Variants in EYS observed in about 807,000 individuals in gnomAD.
EYS encodes protein eyes shut homolog.
Under a neutral mutation model 282.1 loss-of-function variants are expected in EYS, and 250 were observed. The ratio of observed to expected loss-of-function variants is 0.89; its 90% CI spans 0.80 to 0.98. The LOEUF is 0.98. Ranked by LOEUF, EYS falls within the 50% of genes least tolerant of loss-of-function variation. The pLI is 0.00. For missense variants in EYS, 4,016 were observed against 3,709.0 expected, an observed-to-expected ratio of 1.08 and a Z score of -2.15; for synonymous variants, 1,355 against 1,282.9, an observed-to-expected ratio of 1.06 and a Z score of -1.20.
chr6:65,613,202 T>G (rs953244411), intron 2 of EYS, among the ~76,000 whole-genome samples: 2 of 151,880 alleles, frequency 1.3e-5, no homozygotes, highest in African/African-American at 4.8e-5. Context: ...TATTTAGTGT[T>G]GGAGAAATCA....
chr6:65,462,556 G>A (rs1764859137), intron 5 of EYS, among the ~76,000 whole-genome samples: 1 of 151,856 alleles, frequency 6.6e-6, no homozygotes, highest in Admixed American at 6.6e-5. Flanking sequence ...TTTATTATTT[G>A]TAGTGTATTA....
intron 12 of EYS, among the ~76,000 whole-genome samples, chr6:65,176,451 C>T (rs1765227165): frequency 1.3e-5 from 2 of 151,486 alleles, no homozygotes; most frequent in South Asian, 4.1e-4. Context: ...AGATTCACAA[C>T]ACAAAACTTA....
At chr6:64,129,634 A>G (rs1317045461) in intron 31 of EYS, among the ~76,000 whole-genome samples, 2 of 152,072 alleles carry the variant, frequency 1.3e-5, no homozygotes, top group Non-Finnish European at 2.9e-5. Flanking sequence ...CCTTAGTTTA[A>G]TTAGATCCCA....
chr6:65,558,776 C>T (rs1452116067), intron 2 of EYS, among the ~76,000 whole-genome samples: 1 of 152,188 alleles, frequency 6.6e-6, no homozygotes, highest in Non-Finnish European at 1.5e-5. Flanking sequence ...AATGCATCAG[C>T]CTGGCCTATG....
intron 29 of EYS, among the ~76,000 whole-genome samples, chr6:64,381,420 A>C (rs1441963740): frequency 6.6e-6 from 1 of 152,154 alleles, no homozygotes; most frequent in Admixed American, 6.5e-5. Context: ...ATATTGTTTA[A>C]GTTCTCCTAT....
chr6:64,334,299 A>G (rs545535061), intron 29 of EYS, among the ~76,000 whole-genome samples: 1 of 152,300 alleles, frequency 6.6e-6, no homozygotes, highest in South Asian at 2.1e-4. Context: ...GGGCATGTGT[A>G]TTAGGAAAAA....
chr6:64,385,820 G>C (rs1485179974), intron 29 of EYS, among the ~76,000 whole-genome samples: 8 of 152,102 alleles, frequency 5.3e-5, no homozygotes, highest in Non-Finnish European at 1.5e-5. Flanking sequence ...TCCAGAAACT[G>C]GTGGGTGAAC....
intron 42 of EYS, 24 bp from the exon 43 acceptor site, chr6:63,721,821 T>G: frequency 6.6e-7 from 1 of 1,525,594 alleles, no homozygotes; most frequent in Non-Finnish European, 8.8e-7. Context: ...AACAGTAAGT[T>G]TGATTAGCAA....
intron 28 of EYS, among the ~76,000 whole-genome samples, chr6:64,399,857 A>G (rs2150435361): frequency 6.6e-6 from 1 of 152,016 alleles, no homozygotes; most frequent in African/African-American, 2.4e-5. Context: ...GGAGTATAAA[A>G]TCTGACTTTT....
intron 26 of EYS, among the ~76,000 whole-genome samples, chr6:64,522,956 T>C (rs1777802606): frequency 6.6e-6 from 1 of 151,720 alleles, no homozygotes; most frequent in Admixed American, 6.6e-5. Context: ...ATTTGAAACT[T>C]GAAGACATTT....
intron 29 of EYS, among the ~76,000 whole-genome samples, chr6:64,337,649 T>C (rs925574562): frequency 1.3e-5 from 2 of 151,922 alleles, no homozygotes; most frequent in African/African-American, 4.8e-5. Context: ...ATCATCTTAA[T>C]CCCAAAACCA....
At position 65,223,268 on chromosome 6, in the gene EYS, T is replaced by A. The variant is rs554847309; in HGVS notation, c.2023+72595A>T. 7.2e-5 allele frequency among the ~76,000 whole-genome samples: 11 copies of A among 152,028 alleles called. No individual in the cohort carries two copies. In the East Asian group the frequency reaches 1.9e-3, roughly 27 times the overall value. ...TGTAATCCCAACTACTCAGGAGGCTTAAGCAGGAGAATCACTTGAACCCAG... is the reference window on the plus strand; with the variant it reads ...TGTAATCCCAACTACTCAGGAGGCTAAAGCAGGAGAATCACTTGAACCCAG... On this transcript the variant is annotated intron_variant, in intron 12 of 42. Transcript: ENST00000503581.
chr6:64,083,301 A>C (rs1189069286), intron 31 of EYS, among the ~76,000 whole-genome samples: 1 of 152,150 alleles, frequency 6.6e-6, no homozygotes, highest in East Asian at 1.9e-4. Flanking sequence ...CATCTCTCTA[A>C]GTCATACAGT....
At position 64,058,450 on chromosome 6, in the gene EYS, C is replaced by T. The variant is rs574457617; in HGVS notation, c.6725+7888G>A. Among the ~76,000 whole-genome samples the T allele has an allele frequency of 3.9e-3, 588 of 152,236 alleles. 3 individuals are homozygous for T. Among genetic ancestry groups the T allele is most frequent in the African/African-American group, 0.013 (552 of 41,538 alleles). The stretch of plus-strand genomic sequence containing the variant: ...CATTTTAAGGCAGGAATCAAATACT[C>T]TCTAACCATAATGATAAATTCCAGT... On this transcript the variant is annotated intron_variant, in intron 33 of 42. Transcript: ENST00000503581.
intron 35 of EYS, among the ~76,000 whole-genome samples, chr6:63,922,269 T>A (rs994969260): frequency 2.6e-5 from 4 of 152,106 alleles, no homozygotes; most frequent in Admixed American, 6.6e-5. Flanking sequence ...ACTTTGAAAA[T>A]TTTTCAGGTC....
chr6:65,578,325 C>T (rs574198542), intron 2 of EYS, among the ~76,000 whole-genome samples: 1 of 151,504 alleles, frequency 6.6e-6, no homozygotes, highest in Non-Finnish European at 1.5e-5. Context: ...ATAAGCCAGG[C>T]ACAGAAAGAC....
intron 5 of EYS, among the ~76,000 whole-genome samples, chr6:65,453,135 T>C (rs919090517): frequency 3.9e-5 from 6 of 152,044 alleles, no homozygotes; most frequent in African/African-American, 1.4e-4. Flanking sequence ...GGTTGGTATG[T>C]ATGGGCAGGT....
intron 22 of EYS, among the ~76,000 whole-genome samples, chr6:64,748,379 A>G (rs1474291037): frequency 1.3e-5 from 2 of 152,224 alleles, no homozygotes; most frequent in Non-Finnish European, 2.9e-5. Flanking sequence ...GAACGGTTTC[A>G]TTACACCTCA....
intron 22 of EYS, among the ~76,000 whole-genome samples, chr6:64,755,998 T>G (rs1023156154): frequency 1.3e-5 from 2 of 152,144 alleles, no homozygotes; most frequent in African/African-American, 4.8e-5. Context: ...ATCAAAATAA[T>G]CACTTACATT....
Sources: allele counts gnomAD v4.1 joint callset (sites outside exome capture counted in the v4.1 genomes callset), GRCh38; gene constraint gnomAD v4.1.1; transcripts MANE v1.5; gene names NCBI Gene and HGNC (gene_info 2026-07-23, HGNC 2026-07-21).